The following DCDC1 variants were observed in gnomAD, a reference collection of about 807,000 sequenced individuals.
The protein encoded by DCDC1 is doublecortin domain-containing protein 1.
In DCDC1, 200 loss-of-function variants were observed where a neutral mutation model predicts 178.3. The ratio of observed to expected loss-of-function variants is 1.12; its 90% confidence interval spans 1.00 to 1.26. The LOEUF (loss-of-function observed/expected upper bound fraction) is 1.26. Among genes scored for constraint, DCDC1 ranks in the 50% most tolerant of loss-of-function variants. DCDC1 has a pLI of 0.00. For missense variants in DCDC1, 1,983 were observed against 1,749.2 expected (o/e 1.13, Z -2.38); for synonymous variants, 690 against 604.8 (o/e 1.14, Z -2.07).
At chr11:31,166,310 G>A (rs919332790) in intron 9 of DCDC1, among the ~76,000 whole-genome samples, 5 of 152,066 alleles carry the variant, frequency 3.3e-5, no homozygotes, top group South Asian at 2.1e-4. Context: ...AAACCATTAC[G>A]ATTTTTACTA....
At chr11:31,160,707 A>G (rs1049805873) in intron 9 of DCDC1, among the ~76,000 whole-genome samples, 1 of 152,202 alleles carries the variant, frequency 6.6e-6, no homozygotes, top group Non-Finnish European at 1.5e-5. Context: ...GTCCTGTCTC[A>G]GAATGACAAA....
intron 9 of DCDC1, among the ~76,000 whole-genome samples, chr11:31,206,632 C>T (rs1971900372): frequency 6.6e-6 from 1 of 152,124 alleles, no homozygotes; most frequent in Non-Finnish European, 1.5e-5. Context: ...CCAGGCTGCA[C>T]TTGAACTCCT....
chr11:31,159,492 A>G (rs1364372417), intron 9 of DCDC1, among the ~76,000 whole-genome samples: 1 of 152,188 alleles, frequency 6.6e-6, no homozygotes, highest in African/African-American at 2.4e-5. Context: ...CTAGTATCAA[A>G]GAAATCCCAT....
intron 15 of DCDC1, among the ~76,000 whole-genome samples, chr11:31,099,211 T>C (rs1051364776): frequency 6.6e-6 from 1 of 152,202 alleles, no homozygotes; most frequent in African/African-American, 2.4e-5. Context: ...TTAAATTCAA[T>C]TCAGGTCAGC....
rs1308101077 is a variant in DCDC1, at chr11:31,299,654, C to A, written c.754+5961G>T. ...ATTTATTTCAAGATCTCAGACCTAG[C>A]AAATACCTTTGTTAGTAAAGTCAGA... On this transcript the variant is annotated intron_variant, in intron 6 of 38. Coordinates refer to ENST00000684477, the MANE Select transcript of DCDC1 (RefSeq NM_001387274.1). Among the ~76,000 whole-genome samples, 3 of 152,062 alleles carry A rather than the reference C, an allele frequency of 2.0e-5. 1 individual carries two copies. Among genetic ancestry groups the A allele is most frequent in the East Asian group, 3.9e-4 (2 of 5,192 alleles).
chr11:30,940,449 A>G (rs931295411), intron 21 of DCDC1, among the ~76,000 whole-genome samples: 5 of 152,046 alleles, frequency 3.3e-5, no homozygotes, highest in Admixed American at 3.3e-4. Context: ...ATAAACCCCT[A>G]ATTTTAATGG....
At chr11:30,981,165 G>T (rs1950375920) in intron 20 of DCDC1, among the ~76,000 whole-genome samples, 2 of 152,190 alleles carry the variant, frequency 1.3e-5, no homozygotes, top group South Asian at 4.2e-4. Context: ...CAGAGGGAAA[G>T]AATAGACACT....
chr11:30,925,473 T>C (rs1946533158), intron 22 of DCDC1, 65 bp from the exon 23 acceptor site: 8 of 1,432,794 alleles, frequency 5.6e-6, no homozygotes, highest in Non-Finnish European at 7.8e-6. Context: ...AGAGAGAAAA[T>C]AAAAGAAATC....
chr11:31,291,144 T>C (rs1322950484), intron 6 of DCDC1, among the ~76,000 whole-genome samples: 1 of 152,088 alleles, frequency 6.6e-6, no homozygotes. Context: ...AGCCTGCCTC[T>C]ATTACTGATT....
At chr11:31,097,155 G>T (rs772995349) in intron 15 of DCDC1, among the ~76,000 whole-genome samples, 1 of 152,214 alleles carries the variant, frequency 6.6e-6, no homozygotes, top group Non-Finnish European at 1.5e-5. Flanking sequence ...TGTAGAAGCA[G>T]TCAATGATAA....
intron 3 of DCDC1, among the ~76,000 whole-genome samples, chr11:31,324,666 G>A (rs1349099126): frequency 6.6e-6 from 1 of 152,064 alleles, no homozygotes; most frequent in Admixed American, 6.6e-5. Flanking sequence ...TCATTCCACG[G>A]TGGGAATCGA....
chr11:31,030,564 T>G (rs1055124629), intron 20 of DCDC1, among the ~76,000 whole-genome samples: 1 of 152,190 alleles, frequency 6.6e-6, no homozygotes, highest in African/African-American at 2.4e-5. Flanking sequence ...GAAATGCCAC[T>G]GAGCATGGTA....
intron 1 of DCDC1, among the ~76,000 whole-genome samples, chr11:31,348,004 C>T (rs1175974404): frequency 6.6e-6 from 1 of 152,186 alleles, no homozygotes; most frequent in Non-Finnish European, 1.5e-5. Context: ...TCTATTCCTT[C>T]ATAACCCATT....
rs1484821155 is a variant in DCDC1 at position 31,065,000 on chromosome 11, T to G, written c.2433+19A>C. 1.4e-6 allele frequency: 1 copy of G among 723,544 alleles called. No homozygotes were observed. The highest frequency in any genetic ancestry group is 2.5e-6 in the Non-Finnish European group (1 of 403,968). The allele number at this position is 723,544 out of a possible 1,614,324, so 44.8% of individuals were successfully genotyped here. The stretch of plus-strand genomic sequence containing the variant: ...TTTAGAGAGCTATTTCTGTCTTGCC[T>G]CTGGCTCCCTACACTGACCTCTTCT... On this transcript the variant is annotated intron_variant, in intron 19 of 38. Transcript: ENST00000684477.
chr11:31,191,107 C>G (rs754225434), intron 9 of DCDC1, among the ~76,000 whole-genome samples: 3 of 152,020 alleles, frequency 2.0e-5, no homozygotes, highest in Non-Finnish European at 2.9e-5. Flanking sequence ...GCATCAGACA[C>G]TATTCTAGGA....
intron 1 of DCDC1, among the ~76,000 whole-genome samples, chr11:31,357,508 T>C (rs530168873): frequency 3.3e-5 from 5 of 152,180 alleles, no homozygotes; most frequent in Non-Finnish European, 2.9e-5. Flanking sequence ...ATGGGAAGCA[T>C]TCCCTTTGAA....
At chr11:31,261,224 TA>T (rs1022412113) in intron 8 of DCDC1, among the ~76,000 whole-genome samples, 47 of 152,210 alleles carry the variant, frequency 3.1e-4, no homozygotes, top group Non-Finnish European at 6.0e-4. Context: ...TAATATCTTC[TA>T]AAGCAGCACT....
In DCDC1 at chr11:31,091,660, C is replaced by T. The variant is rs775392802; in HGVS notation, c.2119-149G>A. ...AAGTGAAACACTACCCACAACTTAG[C>T]AGTCAGCGAGCCCTGCTCAGAATCA... On this transcript the variant is annotated intron_variant, in intron 16 of 38. Transcript: ENST00000684477. 306 of 597,504 alleles carry T rather than the reference C, an allele frequency of 5.1e-4. 1 individual carries two copies. The highest frequency in any genetic ancestry group is 8.3e-4 in the Non-Finnish European group (278 of 333,766). The allele number at this position is 597,504 out of a possible 1,614,324, so 37.0% of individuals were successfully genotyped here. A position where few individuals can be genotyped will look rare whatever the true frequency, so the allele number is the denominator to read the frequency against.
At chr11:31,026,288 C>A (rs288461) in intron 20 of DCDC1, among the ~76,000 whole-genome samples, 77,943 of 151,362 alleles carry the variant, frequency 0.51, 20,708 homozygotes, top group African/African-American at 0.66. Flanking sequence ...TACATGACAC[C>A]GTACCTTTAC....
Sources: allele counts gnomAD v4.1 joint callset (sites outside exome capture counted in the v4.1 genomes callset), GRCh38; gene constraint gnomAD v4.1.1; transcripts MANE v1.5; gene names NCBI Gene and HGNC (gene_info 2026-07-23, HGNC 2026-07-21).